Variants in MBD5 observed in about 807,000 individuals in gnomAD.
The protein encoded by MBD5 is methyl-CpG-binding domain protein 5.
In MBD5, 13 loss-of-function variants were observed where a neutral mutation model predicts 117.3. The observed-to-expected ratio is 0.11, with a 90% CI of 0.07 to 0.18. The LOEUF is 0.18. Among genes scored for constraint, MBD5 ranks in the 10% least tolerant of loss-of-function variants. MBD5 has a pLI of 1.00. For synonymous variants in MBD5, 727 were observed against 766.4 expected, an observed-to-expected ratio of 0.95 and a Z score of 0.85; for missense variants, 1,879 against 2,093.8, an observed-to-expected ratio of 0.90 and a Z score of 2.00.
chr2:148,118,435 A>AAAATATATAT (rs1021339753), intron 1 of MBD5, among the ~76,000 whole-genome samples: 4 of 148,490 alleles, frequency 2.7e-5, no homozygotes, highest in African/African-American at 9.9e-5. Flanking sequence ...CATAAAAAAA[A>AAAATATATAT]ATATATATAT....
chr2:148,280,562 G>T (rs1487514828), intron 3 of MBD5, among the ~76,000 whole-genome samples: 1 of 152,124 alleles, frequency 6.6e-6, no homozygotes. Flanking sequence ...CTCCCAAGTA[G>T]CTGGGACCTC....
At chr2:148,141,701 G>T (rs567571058) in intron 1 of MBD5, among the ~76,000 whole-genome samples, 1 of 152,050 alleles carries the variant, frequency 6.6e-6, no homozygotes, top group Non-Finnish European at 1.5e-5. Flanking sequence ...GCTAAGGTAG[G>T]AGGATCACTT....
chr2:148,393,415 A>G (rs1449821627), intron 4 of MBD5: 2 of 152,146 alleles, frequency 1.3e-5, no homozygotes, highest in Non-Finnish European at 2.9e-5. Context: ...TTAAAATAAC[A>G]AGACAGTAAA....
chr2:148,272,698 G>A (rs941559422), intron 3 of MBD5, among the ~76,000 whole-genome samples: 6 of 152,020 alleles, frequency 3.9e-5, no homozygotes, highest in Admixed American at 3.3e-4. Context: ...CTTATTAATT[G>A]TATGGTTCAC....
Position 148,470,399 on chromosome 2 carries a change from C to T in MBD5, c.2456C>T (p.Ser819Phe). 2.5e-6 allele frequency: 4 copies of T among 1,613,184 alleles called. No individual in the cohort carries two copies. Among genetic ancestry groups the T allele is most frequent in the Non-Finnish European group, 3.4e-6 (4 of 1,179,446 alleles). Residue 819 changes from serine (S) to phenylalanine (F), a missense_variant, in exon 8 of 14, where the codon TCC (serine) becomes TTC (phenylalanine). By Grantham distance (155) the Ser-to-Phe change is radical (BLOSUM62 -2). Coordinates refer to ENST00000642680, the MANE Select transcript of MBD5 (RefSeq NM_001378120.1). ...PNPPQSRISTSSTPVIPNSIV... is the reference protein window; with the variant it reads ...PNPPQSRISTFSTPVIPNSIV... ...CCACCTCAGTCAAGAATTTCAACGT[C>T]CTCCACTCCAGTGATACCAAACAGC...
intron 2 of MBD5, 145 bp from the exon 3 acceptor site, chr2:148,233,100 C>T (rs1700027259): frequency 6.6e-6 from 1 of 152,026 alleles, no homozygotes; most frequent in African/African-American, 2.4e-5. Flanking sequence ...TTTAACAAGC[C>T]CTTTCTGTTA....
At chr2:148,448,262 A>G (rs1458756012) in intron 4 of MBD5, among the ~76,000 whole-genome samples, 2 of 152,104 alleles carry the variant, frequency 1.3e-5, no homozygotes, top group Admixed American at 6.6e-5. Context: ...TAAAAACTGC[A>G]CAGAAATAAT....
In MBD5 at chr2:148,468,755, C is replaced by T; in HGVS notation, c.812C>T (p.Thr271Ile). 6.2e-7 allele frequency: 1 copy of T among 1,613,936 alleles called. No individual in the cohort carries two copies. Among genetic ancestry groups the T allele is most frequent in the Non-Finnish European group, 8.5e-7 (1 of 1,179,900 alleles). Residue 271 changes from threonine to isoleucine, a missense_variant, in exon 8 of 14, where the codon ACT (threonine) becomes ATT (isoleucine). Thr to Ile is a moderately conservative substitution (Grantham distance 89). Coordinates refer to ENST00000642680, the MANE Select transcript of MBD5 (RefSeq NM_001378120.1). ...TCTAGTCCTATTCACCTGAATAGGACTCCTCTTTCTCCACCTTCAGTAATG... is the reference window on the plus strand; with the variant it reads ...TCTAGTCCTATTCACCTGAATAGGATTCCTCTTTCTCCACCTTCAGTAATG... ...PNSSPIHLNR[T>I]PLSPPSVMLH...
At chr2:148,500,426 G>T (rs1681837003) in intron 11 of MBD5, among the ~76,000 whole-genome samples, 1 of 152,038 alleles carries the variant, frequency 6.6e-6, no homozygotes, top group African/African-American at 2.4e-5. Flanking sequence ...AATGCACCGA[G>T]TCCCATCTGT....
At chr2:148,203,724 A>G (rs561344817) in intron 2 of MBD5, among the ~76,000 whole-genome samples, 1 of 152,270 alleles carries the variant, frequency 6.6e-6, no homozygotes, top group African/African-American at 2.4e-5. Context: ...CCTGTCTTTT[A>G]TGCTTCTCTA....
chr2:148,175,167 CATTT>C (rs1698354526), intron 1 of MBD5, among the ~76,000 whole-genome samples: 1 of 152,084 alleles, frequency 6.6e-6, no homozygotes, highest in Non-Finnish European at 1.5e-5. Flanking sequence ...TTACTGGCTT[CATTT>C]AGTTATTTTG....
At chr2:148,400,782 A>G (rs770457338) in intron 4 of MBD5, among the ~76,000 whole-genome samples, 7 of 152,290 alleles carry the variant, frequency 4.6e-5, no homozygotes, top group African/African-American at 1.4e-4. Flanking sequence ...GTCATATACT[A>G]TAAATTATAT....
intron 1 of MBD5, among the ~76,000 whole-genome samples, chr2:148,114,717 G>C (rs896312046): frequency 3.3e-5 from 5 of 152,042 alleles, no homozygotes; most frequent in Admixed American, 2.0e-4. Context: ...AACATATTAG[G>C]AATTACCAGT....
chr2:148,469,210 G>A lies in MBD5; in HGVS notation c.1267G>A (p.Val423Ile). Residue 423 changes from valine to isoleucine, a missense_variant, in exon 8 of 14, where the codon GTA becomes ATA. Around this residue, in one of 4 missense-constraint regions of MBD5, gnomAD observed 1,666 missense variants for 1,792.2 expected, o/e 0.93. Transcript: ENST00000642680. ...TGGTCACATGAATCATGGGAGTCAT[G>A]TACAAAGAGTTCAGCATTCAGCTTC... ...KPGHMNHGSH[V>I]QRVQHSASTS... 5 of 1,614,000 alleles carry A rather than the reference G, an allele frequency of 3.1e-6. No homozygotes were observed. Among genetic ancestry groups the A allele is most frequent in the Non-Finnish European group, 4.2e-6 (5 of 1,179,962 alleles).
At chr2:148,228,590 C>A (rs966064527) in intron 2 of MBD5, among the ~76,000 whole-genome samples, 3 of 152,116 alleles carry the variant, frequency 2.0e-5, no homozygotes, top group African/African-American at 7.2e-5. Context: ...TGTGTCTCTG[C>A]CAGGCTTTGG....
At chr2:148,097,747 C>T (rs1453225367) in intron 1 of MBD5, among the ~76,000 whole-genome samples, 2 of 152,080 alleles carry the variant, frequency 1.3e-5, no homozygotes, top group Non-Finnish European at 2.9e-5. Context: ...CTGGTCTTTA[C>T]CACAGATTGA....
chr2:148,344,434 C>A (rs919775899), intron 4 of MBD5, among the ~76,000 whole-genome samples: 1 of 151,942 alleles, frequency 6.6e-6, no homozygotes, highest in African/African-American at 2.4e-5. Flanking sequence ...AATATCGATT[C>A]TTCCAATCCA....
intron 4 of MBD5, among the ~76,000 whole-genome samples, chr2:148,417,583 T>C (rs1184028110): frequency 6.7e-6 from 1 of 150,070 alleles, no homozygotes; most frequent in Non-Finnish European, 1.5e-5. Flanking sequence ...TATCAGTGTG[T>C]AAGCATTCCC....
At chr2:148,140,847 C>A in intron 1 of MBD5, among the ~76,000 whole-genome samples, 1 of 151,892 alleles carries the variant, frequency 6.6e-6, no homozygotes, top group Non-Finnish European at 1.5e-5. Context: ...CCCACTGCAA[C>A]CTCTGCCTCC....
Sources: gnomAD v4.1 joint callset for allele counts (sites outside exome capture counted in the v4.1 genomes callset) on GRCh38, gnomAD v4.1.1 for gene constraint, gnomAD v4.1.1 regional missense constraint, MANE v1.5 for transcripts, NCBI Gene and HGNC (gene_info 2026-07-23, HGNC 2026-07-21) for gene names.